Variants in BMP7 observed in about 807,000 individuals in gnomAD.
BMP7 encodes the protein osteogenic protein 1.
BMP7 carries 12 observed loss-of-function variants against 41.2 expected under a neutral mutation model. That is an observed-to-expected ratio of 0.29 (90% CI 0.19 to 0.47). The LOEUF (loss-of-function observed/expected upper bound fraction) is 0.47, where lower values mean the gene tolerates loss of function less well. BMP7 is among the 20% of genes least tolerant of loss of function. The probability of loss-of-function intolerance (pLI) is 0.99; values close to 1 mark genes in which losing one functional copy is unlikely to be tolerated. For missense variants in BMP7, 467 were observed against 606.0 expected (o/e 0.77, Z 2.41); for synonymous variants, 248 against 250.0 (o/e 0.99, Z 0.07).
intron 2 of BMP7, among the ~76,000 whole-genome samples, chr20:57,205,538 C>G (rs969374529): frequency 2.0e-5 from 3 of 152,230 alleles, no homozygotes; most frequent in Non-Finnish European, 4.4e-5. Flanking sequence ...CAAGTCGAAA[C>G]AACTTCTCCT....
At chr20:57,198,193 C>G (rs1272677689) in intron 3 of BMP7, among the ~76,000 whole-genome samples, 2 of 124,462 alleles carry the variant, frequency 1.6e-5, no homozygotes, top group East Asian at 4.5e-4. Context: ...TCTCCCCCTC[C>G]TCTCTATCCT....
intron 3 of BMP7, among the ~76,000 whole-genome samples, chr20:57,200,664 C>T (rs1298217546): frequency 4.6e-5 from 7 of 152,132 alleles, no homozygotes; most frequent in Non-Finnish European, 8.8e-5. Context: ...GGTGTGGTGG[C>T]GGGCGCCTGT....
intron 1 of BMP7, among the ~76,000 whole-genome samples, chr20:57,237,554 A>T (rs901290840): frequency 2.0e-5 from 3 of 152,248 alleles, no homozygotes; most frequent in Non-Finnish European, 4.4e-5. Context: ...AAGGAGCTTG[A>T]AAAAGCCGCC....
chr20:57,176,963 G>A (rs533998369), intron 4 of BMP7, among the ~76,000 whole-genome samples: 105 of 152,246 alleles, frequency 6.9e-4, no homozygotes, highest in African/African-American at 2.3e-3. Context: ...GGACATCGCC[G>A]AACTCCCTTC....
At chr20:57,220,427 A>C (rs563318429) in intron 2 of BMP7, among the ~76,000 whole-genome samples, 1 of 152,374 alleles carries the variant, frequency 6.6e-6, no homozygotes, top group Admixed American at 6.5e-5. Flanking sequence ...CTCCTGCCAA[A>C]AAAGCTAAAG....
Position 57,173,353 on chromosome 20 carries a change from G to A in BMP7, c.1036-43C>T, listed in dbSNP as rs753165642. On this transcript the variant is annotated intron_variant, in intron 5 of 6. Coordinates refer to ENST00000395863, the MANE Select transcript of BMP7 (RefSeq NM_001719.3). ...GTGTGGGAAACCATGCAGAAGGCCT[G>A]AGCCACAGCATCCCAACCCCCATGC... is the stretch of plus-strand genomic sequence containing the variant. The A allele has an allele frequency of 4.4e-6, 7 of 1,578,978 alleles. No homozygotes were observed. In the Admixed American group the frequency reaches 1.2e-4, roughly 27 times the overall value.
intron 2 of BMP7, among the ~76,000 whole-genome samples, chr20:57,225,021 G>A (rs116410020): frequency 0.015 from 2,220 of 152,346 alleles, 64 homozygotes; most frequent in African/African-American, 0.051. Context: ...GGCACAGCTC[G>A]TCAGATGTCC....
At chr20:57,189,510 G>A (rs6070018) in intron 3 of BMP7, among the ~76,000 whole-genome samples, 26,700 of 152,232 alleles carry the variant, frequency 0.18, 2,943 homozygotes, top group South Asian at 0.26. Context: ...CATCGCACAC[G>A]CGTGACGCAG....
chr20:57,240,295 C>G (rs2066063928), intron 1 of BMP7, among the ~76,000 whole-genome samples: 1 of 152,224 alleles, frequency 6.6e-6, no homozygotes, highest in Non-Finnish European at 1.5e-5. Flanking sequence ...CCGTCAGGCT[C>G]TTTGCTAAAA....
intron 1 of BMP7, among the ~76,000 whole-genome samples, chr20:57,231,142 C>A (rs1183192557): frequency 6.6e-6 from 1 of 152,226 alleles, no homozygotes; most frequent in Non-Finnish European, 1.5e-5. Context: ...TGTTTTTGAA[C>A]AGTCGCTGCA....
At chr20:57,192,738 C>G (rs1264436899) in intron 3 of BMP7, among the ~76,000 whole-genome samples, 1 of 145,594 alleles carries the variant, frequency 6.9e-6, no homozygotes, top group Non-Finnish European at 1.5e-5. Flanking sequence ...CAGATTTGCC[C>G]AAGAATAGCA....
chr20:57,241,418 G>A (rs2066069141), intron 1 of BMP7, among the ~76,000 whole-genome samples: 1 of 152,178 alleles, frequency 6.6e-6, no homozygotes, highest in African/African-American at 2.4e-5. Flanking sequence ...TGAAGGTTTT[G>A]TAGCATTCAC....
chr20:57,225,042 C>A (rs1184557142), intron 2 of BMP7, among the ~76,000 whole-genome samples: 1 of 152,234 alleles, frequency 6.6e-6, no homozygotes, highest in Non-Finnish European at 1.5e-5. Context: ...CAGCCCTGCA[C>A]AGCTGGGCAG....
chr20:57,248,234 A>T (rs2066097945), intron 1 of BMP7, among the ~76,000 whole-genome samples: 1 of 152,254 alleles, frequency 6.6e-6, no homozygotes. Context: ...CTAACTGTAT[A>T]CAACACAGGA....
intron 1 of BMP7, among the ~76,000 whole-genome samples, chr20:57,254,498 C>T (rs1441534905): frequency 2.0e-5 from 3 of 152,064 alleles, no homozygotes; most frequent in South Asian, 2.1e-4. Context: ...TATGAACCCA[C>T]AAACAATACA....
At chr20:57,209,308 G>A (rs1302218742) in intron 2 of BMP7, among the ~76,000 whole-genome samples, 1 of 141,852 alleles carries the variant, frequency 7.0e-6, no homozygotes, top group African/African-American at 2.6e-5. Context: ...AACCAGGCGT[G>A]GTGGTACATG....
At chr20:57,181,091 A>G (rs564726324) in intron 4 of BMP7, among the ~76,000 whole-genome samples, 1 of 152,148 alleles carries the variant, frequency 6.6e-6, no homozygotes, top group Non-Finnish European at 1.5e-5. Context: ...ACATGGTGGC[A>G]GGGCAGGTTT....
At position 57,183,851 on chromosome 20, in the gene BMP7, T is replaced by A; in HGVS notation, c.829A>T (p.Met277Leu). 1 of 1,614,140 alleles carries A rather than the reference T, an allele frequency of 6.2e-7. No homozygotes were observed. Among genetic ancestry groups the A allele is most frequent in the Non-Finnish European group, 8.5e-7 (1 of 1,180,030 alleles). ...TCCGTGGCCTTGAAGAAAGCCACCATGAAGGGCTGCTTGTTCTGGGGCCCG... is the reference window on the plus strand; with the variant it reads ...TCCGTGGCCTTGAAGAAAGCCACCAAGAAGGGCTGCTTGTTCTGGGGCCCG... Reference protein sequence around the residue: ...RHGPQNKQPFMVAFFKATEVH... With the variant: ...RHGPQNKQPFLVAFFKATEVH... Residue 277 changes from methionine to leucine, a missense_variant, in exon 4 of 7, where the codon ATG (methionine) becomes TTG (leucine). Met to Leu is a conservative substitution (Grantham distance 15). This residue lies in a region of BMP7 where 407 missense variants were observed against 485.9 expected (regional missense o/e 0.84). Transcript: ENST00000395863.
At chr20:57,241,642 C>T (rs1007872108) in intron 1 of BMP7, among the ~76,000 whole-genome samples, 4 of 152,214 alleles carry the variant, frequency 2.6e-5, no homozygotes, top group Non-Finnish European at 4.4e-5. Flanking sequence ...TTGTTAGGTG[C>T]TGGGGGGCTG....
Sources: allele counts gnomAD v4.1 joint callset (sites outside exome capture counted in the v4.1 genomes callset), GRCh38; gene constraint gnomAD v4.1.1; regional missense constraint gnomAD v4.1.1; transcripts MANE v1.5; gene names NCBI Gene and HGNC (gene_info 2026-07-23, HGNC 2026-07-21).